HSF2BP: variants seen among roughly 807,000 people sequenced by gnomAD.
HSF2BP encodes the protein heat shock transcription factor 2 binding protein.
In HSF2BP, 35 loss-of-function variants were observed where a neutral mutation model predicts 35.0. The ratio of observed to expected loss-of-function variants is 1.00; its 90% confidence interval spans 0.76 to 1.32. The LOEUF (loss-of-function observed/expected upper bound fraction) is 1.32, where lower values mean the gene tolerates loss of function less well. Ranked by LOEUF, HSF2BP falls within the 40% of genes most tolerant of loss-of-function variation. The pLI is 0.00. For missense variants in HSF2BP, 326 were observed against 321.7 expected (o/e 1.01, Z -0.10); for synonymous variants, 114 against 117.4 (o/e 0.97, Z 0.18).
chr21:43,591,066 A>T (rs2081920133), intron 8 of HSF2BP, among the ~76,000 whole-genome samples: 2 of 151,982 alleles, frequency 1.3e-5, no homozygotes, highest in African/African-American at 4.8e-5. Flanking sequence ...AACTGACACT[A>T]AAAAAAAGAG....
At chr21:43,604,170 G>A (rs1490481470) in intron 7 of HSF2BP, among the ~76,000 whole-genome samples, 2 of 151,702 alleles carry the variant, frequency 1.3e-5, no homozygotes, top group African/African-American at 2.4e-5. Flanking sequence ...CATCCCAGAG[G>A]AAGGCTCAAC....
At chr21:43,587,364 C>T (rs1259259361) in intron 8 of HSF2BP, among the ~76,000 whole-genome samples, 3 of 152,052 alleles carry the variant, frequency 2.0e-5, no homozygotes, top group African/African-American at 7.2e-5. Flanking sequence ...ATTATTTTCA[C>T]GGATAAGAAA....
intron 7 of HSF2BP, among the ~76,000 whole-genome samples, chr21:43,601,290 C>T (rs954841422): frequency 1.3e-5 from 2 of 152,152 alleles, no homozygotes; most frequent in Non-Finnish European, 2.9e-5. Context: ...CAATCGGAAG[C>T]TTGTAATCAT....
intron 7 of HSF2BP, among the ~76,000 whole-genome samples, chr21:43,610,475 G>C (rs543629220): frequency 6.6e-6 from 1 of 151,132 alleles, no homozygotes; most frequent in Non-Finnish European, 1.5e-5. Flanking sequence ...GTGGCGTGCA[G>C]AGTAGCTGGG....
intron 7 of HSF2BP, among the ~76,000 whole-genome samples, chr21:43,609,080 A>G (rs550210212): frequency 6.6e-6 from 1 of 152,374 alleles, no homozygotes; most frequent in Non-Finnish European, 1.5e-5. Flanking sequence ...GCCATGGAAT[A>G]CTTCGCAGCC....
At chr21:43,644,991 CA>C (rs1601719911) in intron 3 of HSF2BP, among the ~76,000 whole-genome samples, 1 of 152,004 alleles carries the variant, frequency 6.6e-6, no homozygotes, top group African/African-American at 2.4e-5. Flanking sequence ...ACAAAAATCC[CA>C]AAAAAATCCA....
Position 43,644,307 on chromosome 21 carries a change from G to A in HSF2BP, c.273C>T (p.Asp91=). The change falls in exon 4 of 9, where the codon GAC becomes GAT. Residue 91 remains aspartate, a synonymous_variant. Coordinates refer to ENST00000291560, the MANE Select transcript of HSF2BP (RefSeq NM_007031.2). ...ATGGTACCTTCTTCTCTCTTATGTT[G>A]TCGGCCTGCACGGTTTCCAGGCGGG... ...FKARLETVQA[D]NIREKKEKLA... 2 of 1,613,782 alleles carry A rather than the reference G, an allele frequency of 1.2e-6. No individual in the cohort carries two copies. The highest frequency in any genetic ancestry group is 8.5e-7 in the Non-Finnish European group (1 of 1,179,700).
the HSF2BP span, among the ~76,000 whole-genome samples, chr21:43,507,474 C>T: frequency 3.1e-5 from 1 of 32,602 alleles, no homozygotes; most frequent in South Asian, 9.9e-4. Context: ...TACAGATCTC[C>T]CCCCGCCCCA....
chr21:43,631,894 CAT>C (rs753544682), intron 5 of HSF2BP, among the ~76,000 whole-genome samples: 4 of 151,436 alleles, frequency 2.6e-5, no homozygotes, highest in Non-Finnish European at 5.9e-5. Flanking sequence ...CACACACACA[CAT>C]GCTCCCACAC....
intron 8 of HSF2BP, among the ~76,000 whole-genome samples, chr21:43,587,914 G>A (rs1215081589): frequency 6.6e-6 from 1 of 152,108 alleles, no homozygotes; most frequent in East Asian, 1.9e-4. Flanking sequence ...AACTTCCGGA[G>A]GACCAGAGCT....
intron 8 of HSF2BP, among the ~76,000 whole-genome samples, chr21:43,584,488 C>A (rs2081819655): frequency 6.6e-6 from 1 of 152,198 alleles, no homozygotes; most frequent in South Asian, 2.1e-4. Flanking sequence ...AGGCAATCTG[C>A]TGTACTCAGT....
intron 6 of HSF2BP, among the ~76,000 whole-genome samples, chr21:43,627,321 A>G (rs539007835): frequency 8.5e-5 from 13 of 152,322 alleles, no homozygotes; most frequent in Admixed American, 6.5e-4. Flanking sequence ...GGAATTATAT[A>G]ATTATTATAC....
chr21:43,577,599 C>A (rs1601608610), intron 8 of HSF2BP, among the ~76,000 whole-genome samples: 1 of 152,186 alleles, frequency 6.6e-6, no homozygotes, highest in Non-Finnish European at 1.5e-5. Context: ...AGTCTCTCCC[C>A]CATCCCTTGG....
chr21:43,579,155 T>C (rs2146694989), intron 8 of HSF2BP, among the ~76,000 whole-genome samples: 1 of 152,336 alleles, frequency 6.6e-6, no homozygotes, highest in East Asian at 1.9e-4. Context: ...CAGTTGACTG[T>C]ATGCACAGCT....
At chr21:43,649,730 G>A (rs2082757483) in intron 3 of HSF2BP, among the ~76,000 whole-genome samples, 1 of 152,192 alleles carries the variant, frequency 6.6e-6, no homozygotes, top group Non-Finnish European at 1.5e-5. Flanking sequence ...GCAGCATAAT[G>A]CATGAAAAGT....
intron 7 of HSF2BP, among the ~76,000 whole-genome samples, chr21:43,603,978 G>A (rs1476140438): frequency 1.3e-5 from 2 of 152,100 alleles, no homozygotes. Context: ...TCTGGGGGAG[G>A]CAAAAAGAAC....
intron 2 of HSF2BP, among the ~76,000 whole-genome samples, chr21:43,657,454 A>G (rs1282854982): frequency 6.6e-6 from 1 of 152,232 alleles, no homozygotes; most frequent in Non-Finnish European, 1.5e-5. Context: ...AGGAAAAGGA[A>G]GTCATCTGGT....
At chr21:43,643,064 TAA>T (rs2082660719) in intron 4 of HSF2BP, among the ~76,000 whole-genome samples, 1 of 152,084 alleles carries the variant, frequency 6.6e-6, no homozygotes, top group South Asian at 2.1e-4. Context: ...CCAAATTTTA[TAA>T]AAAGTGTCAG....
intron 4 of HSF2BP, among the ~76,000 whole-genome samples, chr21:43,638,576 T>C (rs1047083761): frequency 6.6e-6 from 1 of 152,218 alleles, no homozygotes; most frequent in African/African-American, 2.4e-5. Flanking sequence ...CAAATGTGTA[T>C]GCTGAAAATA....
Sources: gnomAD v4.1 joint callset for allele counts (sites outside exome capture counted in the v4.1 genomes callset) on GRCh38, gnomAD v4.1.1 for gene constraint, MANE v1.5 for transcripts, NCBI Gene and HGNC (gene_info 2026-07-23, HGNC 2026-07-21) for gene names.